The following IQSEC1 variants were observed in gnomAD, a reference collection of about 807,000 sequenced individuals.
The protein encoded by IQSEC1 is IQ motif and Sec7 domain ArfGEF 1, also known as IQ motif and SEC7 domain-containing protein 1.
Under a neutral mutation model 91.0 loss-of-function variants are expected in IQSEC1, and 31 were observed. The ratio of observed to expected loss-of-function variants is 0.34; its 90% confidence interval spans 0.26 to 0.46. IQSEC1 has a LOEUF of 0.46. Ranked by LOEUF, IQSEC1 falls within the 20% of genes least tolerant of loss-of-function variation. The pLI, the probability that IQSEC1 is intolerant of heterozygous loss-of-function variation, is 1.00. For missense variants in IQSEC1, 1,388 were observed against 1,575.6 expected (o/e 0.88, Z 2.02); for synonymous variants, 699 against 662.6 (o/e 1.05, Z -0.84).
chr3:13,190,897 C>A (rs533523880), intron 1 of IQSEC1, among the ~76,000 whole-genome samples: 2 of 152,180 alleles, frequency 1.3e-5, no homozygotes, highest in Non-Finnish European at 2.9e-5. Context: ...CACTAAATCC[C>A]TGACTCCAGG....
intron 1 of IQSEC1, among the ~76,000 whole-genome samples, chr3:13,252,730 T>G (rs868101397): frequency 1.9e-4 from 29 of 150,946 alleles, no homozygotes; most frequent in African/African-American, 6.9e-4. Flanking sequence ...TTTTTTTTGT[T>G]TTTGTTTGTT....
At chr3:12,916,769 AG>A in intron 6 of IQSEC1, among the ~76,000 whole-genome samples, 1 of 152,226 alleles carries the variant, frequency 6.6e-6, no homozygotes, top group Non-Finnish European at 1.5e-5. Flanking sequence ...TTAACAGGGG[AG>A]TGCTCAATCA....
intron 2 of IQSEC1, among the ~76,000 whole-genome samples, chr3:13,148,468 G>A (rs991112958): frequency 6.6e-6 from 1 of 152,222 alleles, no homozygotes; most frequent in Non-Finnish European, 1.5e-5. Flanking sequence ...GGGTCCAGAG[G>A]CCACGTCTAG....
intron 2 of IQSEC1, among the ~76,000 whole-genome samples, chr3:13,130,341 C>CAAAAA (rs58162524): frequency 4.1e-4 from 25 of 61,618 alleles, no homozygotes; most frequent in African/African-American, 5.5e-4. Context: ...GAGACTCTGT[C>CAAAAA]AAAAAAAAAA....
chr3:13,012,980 T>TTTTTTTTTTA (rs369486023), intron 1 of IQSEC1, among the ~76,000 whole-genome samples: 2 of 149,498 alleles, frequency 1.3e-5, no homozygotes, highest in Non-Finnish European at 1.5e-5. Flanking sequence ...TTTTTTTTTT[T>TTTTTTTTTTA]GAGACAGTCT....
chr3:13,047,967 T>C (rs1302087306), intron 1 of IQSEC1, among the ~76,000 whole-genome samples: 3 of 152,162 alleles, frequency 2.0e-5, no homozygotes, highest in African/African-American at 4.8e-5. Context: ...CCAGGGGCCC[T>C]GGAGCCCTGA....
chr3:12,963,154 A>G (rs747328113), intron 1 of IQSEC1, among the ~76,000 whole-genome samples: 116 of 152,258 alleles, frequency 7.6e-4, no homozygotes, highest in Non-Finnish European at 1.4e-3. Context: ...AGAGGAAAAA[A>G]CAAATGCAGT....
Position 12,941,716 on chromosome 3 carries a change from G to A in IQSEC1, c.173C>T (p.Pro58Leu), listed in dbSNP as rs1328003505. ...SVGAYGLYSGPPGQQQRTRRP... is the reference protein window; with the variant it reads ...SVGAYGLYSGLPGQQQRTRRP... ...CCGCGTGCGCTGCTGTTGCCCCGGC[G>A]GCCCCGAGTACAGCCCATAGGCTCC... Residue 58 changes from proline to leucine, a missense_variant, in exon 2 of 14, where the codon CCG becomes CTG. Pro to Leu is a moderately conservative substitution (Grantham distance 98, BLOSUM62 -3). Around this residue, in one of 2 missense-constraint regions of IQSEC1, gnomAD observed 1,059 missense variants for 1,317.8 expected, o/e 0.80. Coordinates refer to ENST00000613206, the MANE Select transcript of IQSEC1 (RefSeq NM_001134382.3). 5.6e-6 allele frequency: 9 copies of A among 1,612,566 alleles called. No homozygotes were observed. The highest frequency in any genetic ancestry group is 4.4e-5 in the South Asian group (4 of 91,050).
chr3:13,022,340 G>C (rs1359305697), intron 1 of IQSEC1: 4 of 1,188,864 alleles, frequency 3.4e-6, no homozygotes, highest in Non-Finnish European at 4.2e-6. Context: ...TCTGTGCCCT[G>C]GTCCTGTCTA....
At chr3:13,018,456 G>A (rs996815257) in intron 1 of IQSEC1, among the ~76,000 whole-genome samples, 43 of 152,352 alleles carry the variant, frequency 2.8e-4, no homozygotes, top group Middle Eastern at 3.4e-3. Flanking sequence ...AGGCTCAAAC[G>A]CCCCATTGGC....
intron 9 of IQSEC1, among the ~76,000 whole-genome samples, chr3:12,912,631 T>C (rs1273646623): frequency 1.6e-5 from 2 of 126,324 alleles, no homozygotes; most frequent in African/African-American, 3.1e-5. Context: ...GCCACTGCAG[T>C]CCGCAGTCCC....
intron 1 of IQSEC1, among the ~76,000 whole-genome samples, chr3:12,948,681 C>T (rs930660412): frequency 1.3e-5 from 2 of 152,176 alleles, no homozygotes; most frequent in African/African-American, 4.8e-5. Context: ...AAGATGAAAG[C>T]AGTGACCCAC....
At chr3:13,279,401 T>C (rs1488331737) in intron 1 of IQSEC1, among the ~76,000 whole-genome samples, 1 of 152,240 alleles carries the variant, frequency 6.6e-6, no homozygotes, top group African/African-American at 2.4e-5. Flanking sequence ...GTTATCATCC[T>C]GTTTTTCCCA....
intron 1 of IQSEC1, among the ~76,000 whole-genome samples, chr3:13,208,976 C>A (rs1349783899): frequency 1.3e-5 from 2 of 152,242 alleles, no homozygotes; most frequent in Admixed American, 6.5e-5. Flanking sequence ...AAGACCAACA[C>A]CCCAAGGAAG....
rs1698182005 is a variant in IQSEC1 at position 12,936,212 on chromosome 3, C to T, written c.804G>A (p.Gln268=). The T allele has an allele frequency of 6.2e-7, 1 of 1,613,126 alleles. No homozygotes were observed. The highest frequency in any genetic ancestry group is 1.1e-5 in the South Asian group (1 of 91,080). The part of the protein sequence containing the change: ...DAARARDTEP[Q]TALHGMDHRK... Reference sequence around the variant, plus strand: ...GGTGGTCCATGCCGTGCAGGGCTGTCTGGGGTTCGGTGTCCCGGGCCCGCG... The same window carrying T: ...GGTGGTCCATGCCGTGCAGGGCTGTTTGGGGTTCGGTGTCCCGGGCCCGCG... Residue 268 remains glutamine, a synonymous_variant, in exon 3 of 14, where the codon CAG becomes CAA. Coordinates refer to ENST00000613206, the MANE Select transcript of IQSEC1 (RefSeq NM_001134382.3).
At chr3:13,244,552 G>A (rs1002087291) in intron 1 of IQSEC1, among the ~76,000 whole-genome samples, 2 of 152,240 alleles carry the variant, frequency 1.3e-5, no homozygotes, top group South Asian at 2.1e-4. Context: ...TCCAAATAAC[G>A]TAACCCCAGA....
chr3:13,223,700 G>A lies in IQSEC1; in HGVS notation c.272+59011C>T, dbSNP rs149596721. Among the ~76,000 whole-genome samples the A allele has an allele frequency of 7.9e-4, 121 of 152,292 alleles. 3 individuals are homozygous for A. Among genetic ancestry groups the A allele is most frequent in the Middle Eastern group, 3.4e-3 (1 of 294 alleles). ...ACTGGGGACATGCAGGGACCGCGGC[G>A]TCTGCAGAGGAAGTCAAAGCAAAGG... On this transcript the variant is annotated intron_variant, in intron 1 of 15. Transcript: ENST00000648114.
rs1367097169 is a variant in IQSEC1 at position 12,898,039 on chromosome 3, T to C, written c.*2944A>G. On this transcript the variant is annotated 3_prime_UTR_variant, in exon 14 of 14. Coordinates refer to ENST00000613206, the MANE Select transcript of IQSEC1 (RefSeq NM_001134382.3). ...CTGCTCCTGTCAGCAATTCTGTATG[T>C]AACTGCAGTAATTTGTGTGACTTGA... The C allele has an allele frequency of 1.3e-5, 2 of 152,254 alleles. No homozygotes were observed. Among genetic ancestry groups the C allele is most frequent in the African/African-American group, 2.4e-5 (1 of 41,452 alleles). 9.4% of individuals were successfully genotyped at this position (152,254 alleles called of 1,614,324 possible). A position where few individuals can be genotyped will look rare whatever the true frequency, so the allele number is the denominator to read the frequency against.
chr3:13,024,659 C>T (rs1029262215), intron 1 of IQSEC1, among the ~76,000 whole-genome samples: 2 of 151,574 alleles, frequency 1.3e-5, no homozygotes, highest in Non-Finnish European at 2.9e-5. Context: ...TCCATCCACC[C>T]ATCCGTCCAT....
Sources: gnomAD v4.1 joint callset for allele counts (sites outside exome capture counted in the v4.1 genomes callset) on GRCh38, gnomAD v4.1.1 for gene constraint, gnomAD v4.1.1 regional missense constraint, MANE v1.5 for transcripts, NCBI Gene and HGNC (gene_info 2026-07-23, HGNC 2026-07-21) for gene names.